The following ZHX2 variants were observed in gnomAD, a reference collection of about 807,000 sequenced individuals.
The protein encoded by ZHX2 is zinc fingers and homeoboxes protein 2.
ZHX2 carries 6 observed loss-of-function variants against 21.9 expected under a neutral mutation model. The observed-to-expected ratio is 0.27, with a 90% CI of 0.15 to 0.54. The LOEUF (loss-of-function observed/expected upper bound fraction) is 0.54, where lower values mean the gene tolerates loss of function less well. ZHX2 is among the 20% of genes least tolerant of loss of function. The pLI is 0.95. For missense variants in ZHX2, 908 were observed against 1,090.7 expected (o/e 0.83, Z 2.36); for synonymous variants, 434 against 437.1 (o/e 0.99, Z 0.09).
intron 1 of ZHX2, among the ~76,000 whole-genome samples, chr8:122,806,799 A>G (rs1448748485): frequency 6.6e-6 from 1 of 152,250 alleles, no homozygotes; most frequent in Non-Finnish European, 1.5e-5. Context: ...CATTGTTCTA[A>G]GCATGGTAAC....
intron 1 of ZHX2, among the ~76,000 whole-genome samples, chr8:122,836,999 C>T (rs574187080): frequency 6.6e-6 from 1 of 152,210 alleles, no homozygotes; most frequent in Admixed American, 6.5e-5. Context: ...CCCAAACCCA[C>T]GAAAATCAAG....
intron 1 of ZHX2, among the ~76,000 whole-genome samples, chr8:122,819,152 A>G (rs953753710): frequency 1.3e-5 from 2 of 152,198 alleles, no homozygotes; most frequent in African/African-American, 4.8e-5. Flanking sequence ...GGTTAGACCC[A>G]AAGTAACAAT....
intron 2 of ZHX2, among the ~76,000 whole-genome samples, chr8:122,893,370 T>C (rs1820026366): frequency 6.6e-6 from 1 of 152,202 alleles, no homozygotes; most frequent in Non-Finnish European, 1.5e-5. Context: ...CTCCCAAGAC[T>C]TGGGAAGTTT....
At chr8:122,783,773 T>G (rs1355641111) in intron 1 of ZHX2, among the ~76,000 whole-genome samples, 1 of 152,140 alleles carries the variant, frequency 6.6e-6, no homozygotes, top group Non-Finnish European at 1.5e-5. Flanking sequence ...CCATAAAGGT[T>G]TAAGTTTAAA....
intron 2 of ZHX2, among the ~76,000 whole-genome samples, chr8:122,941,273 T>A (rs1036370841): frequency 1.5e-4 from 23 of 152,292 alleles, no homozygotes; most frequent in African/African-American, 5.5e-4. Flanking sequence ...TAAAAGATTG[T>A]GCATGTAAAC....
chr8:122,902,144 G>A (rs1238654094), intron 2 of ZHX2, among the ~76,000 whole-genome samples: 1 of 152,186 alleles, frequency 6.6e-6, no homozygotes, highest in Non-Finnish European at 1.5e-5. Context: ...AACTGGAACA[G>A]ATCAGGTGGC....
At chr8:122,815,156 T>TTTATACAAATCA (rs1818005165) in intron 1 of ZHX2, among the ~76,000 whole-genome samples, 1 of 152,232 alleles carries the variant, frequency 6.6e-6, no homozygotes, top group African/African-American at 2.4e-5. Context: ...TGTTATTATT[T>TTTATACAAATCA]TTATACAAAT....
chr8:122,802,485 A>G (rs1817738797), intron 1 of ZHX2, among the ~76,000 whole-genome samples: 1 of 152,150 alleles, frequency 6.6e-6, no homozygotes, highest in Admixed American at 6.5e-5. Flanking sequence ...GCTCCCTTGT[A>G]TAGCCTGTTG....
At chr8:122,935,725 C>T (rs757832425) in intron 2 of ZHX2, among the ~76,000 whole-genome samples, 23 of 151,962 alleles carry the variant, frequency 1.5e-4, no homozygotes, top group South Asian at 2.1e-4. Context: ...TTAGTAGAGA[C>T]GGGGTTTCAC....
At chr8:122,889,110 AT>A (rs370754646) in intron 2 of ZHX2, among the ~76,000 whole-genome samples, 506 of 152,126 alleles carry the variant, frequency 3.3e-3, no homozygotes, top group Non-Finnish European at 4.9e-3. Context: ...TTTGATACAC[AT>A]TTTTTTCTTT....
At chr8:122,831,395 T>A (rs1367408989) in intron 1 of ZHX2, among the ~76,000 whole-genome samples, 1 of 152,124 alleles carries the variant, frequency 6.6e-6, no homozygotes, top group Non-Finnish European at 1.5e-5. Flanking sequence ...GCGGAGACGT[T>A]ACAGGAGAGG....
At chr8:122,893,472 A>G (rs1440904021) in intron 2 of ZHX2, among the ~76,000 whole-genome samples, 4 of 151,688 alleles carry the variant, frequency 2.6e-5, no homozygotes, top group Non-Finnish European at 5.9e-5. Context: ...ACTTTATAGT[A>G]TCCTATAGGC....
chr8:122,817,541 G>T (rs1818062362), intron 1 of ZHX2, among the ~76,000 whole-genome samples: 1 of 152,244 alleles, frequency 6.6e-6, no homozygotes, highest in Non-Finnish European at 1.5e-5. Context: ...GGGCTGCAAA[G>T]AGGGTTTCAG....
chr8:122,945,183 G>T lies in ZHX2; in HGVS notation c.-219-6109G>T, dbSNP rs190593777. Among the ~76,000 whole-genome samples, 925 of 152,212 alleles carry T rather than the reference G, an allele frequency of 6.1e-3. 2 individuals carry two copies. Among genetic ancestry groups the T allele is most frequent in the Middle Eastern group, 0.01 (3 of 294 alleles). Reference sequence around the variant, plus strand: ...GCAGCCCTAGCGAACTAATGTACCAGCTACGAACTCCTTGAGGACAGAGCT... The same window carrying T: ...GCAGCCCTAGCGAACTAATGTACCATCTACGAACTCCTTGAGGACAGAGCT... On this transcript the variant is annotated intron_variant, in intron 2 of 3. Coordinates refer to ENST00000314393, the MANE Select transcript of ZHX2 (RefSeq NM_014943.5).
intron 2 of ZHX2, among the ~76,000 whole-genome samples, chr8:122,914,335 C>T (rs1820549068): frequency 6.6e-6 from 1 of 152,202 alleles, no homozygotes; most frequent in African/African-American, 2.4e-5. Flanking sequence ...GTCCCATAAG[C>T]CCAGGTCACC....
At chr8:122,914,192 C>T (rs1300575666) in intron 2 of ZHX2, among the ~76,000 whole-genome samples, 1 of 152,250 alleles carries the variant, frequency 6.6e-6, no homozygotes, top group African/African-American at 2.4e-5. Context: ...GGCAAGCCAG[C>T]AAGCTATGCT....
intron 2 of ZHX2, among the ~76,000 whole-genome samples, chr8:122,932,727 T>C (rs1403796071): frequency 6.6e-6 from 1 of 152,238 alleles, no homozygotes; most frequent in Admixed American, 6.5e-5. Flanking sequence ...CTCAAGATCC[T>C]TAATCACACT....
intron 1 of ZHX2, among the ~76,000 whole-genome samples, chr8:122,835,601 G>C (rs1215500967): frequency 6.6e-6 from 1 of 152,184 alleles, no homozygotes; most frequent in African/African-American, 2.4e-5. Context: ...GGTTAAAGAA[G>C]ATGGTTGAGA....
intron 1 of ZHX2, among the ~76,000 whole-genome samples, chr8:122,803,104 C>G (rs1302972941): frequency 6.6e-6 from 1 of 152,138 alleles, no homozygotes; most frequent in Non-Finnish European, 1.5e-5. Context: ...CTCCCCATCC[C>G]CTGTTCCTAT....
Sources: gnomAD v4.1 joint callset for allele counts (sites outside exome capture counted in the v4.1 genomes callset) on GRCh38, gnomAD v4.1.1 for gene constraint, MANE v1.5 for transcripts, NCBI Gene and HGNC (gene_info 2026-07-23, HGNC 2026-07-21) for gene names.